The following FOXP2 variants were observed in gnomAD, a reference collection of about 807,000 sequenced individuals.
FOXP2 encodes the protein forkhead box protein P2.
FOXP2 carries 12 observed loss-of-function variants against 115.8 expected under a neutral mutation model. The observed-to-expected ratio is 0.10, with a 90% CI of 0.07 to 0.17. FOXP2 has a LOEUF of 0.17. FOXP2 is among the 10% of genes least tolerant of loss of function. The pLI is 1.00. For synonymous variants in FOXP2, 328 were observed against 297.7 expected, an observed-to-expected ratio of 1.10 and a Z score of -1.05; for missense variants, 629 against 843.5, an observed-to-expected ratio of 0.75 and a Z score of 3.15.
chr7:114,460,862 G>C (rs570951619), intron 2 of FOXP2, among the ~76,000 whole-genome samples: 1 of 152,306 alleles, frequency 6.6e-6, no homozygotes, highest in Admixed American at 6.5e-5. Context: ...AAAGTGGAGG[G>C]AGGTTGAAAG....
At chr7:114,465,196 G>A (rs760696796) in intron 2 of FOXP2, among the ~76,000 whole-genome samples, 16 of 152,186 alleles carry the variant, frequency 1.1e-4, no homozygotes, top group Non-Finnish European at 2.1e-4. Flanking sequence ...AACTCCTGGG[G>A]TCAAGCAATC....
chr7:114,162,619 C>CA (rs1792872758), upstream of FOXP2, among the ~76,000 whole-genome samples: 1 of 151,732 alleles, frequency 6.6e-6, no homozygotes, highest in African/African-American at 2.4e-5. Flanking sequence ...TCCATTCAAA[C>CA]TCACGGATTT....
chr7:114,210,902 A>G (rs919706676), intron 1 of FOXP2, among the ~76,000 whole-genome samples: 2 of 152,176 alleles, frequency 1.3e-5, no homozygotes, highest in African/African-American at 4.8e-5. Flanking sequence ...GGTCCCACTT[A>G]AAGAAGCAGT....
At chr7:114,385,379 A>G (rs556797373) in intron 2 of FOXP2, among the ~76,000 whole-genome samples, 57 of 152,310 alleles carry the variant, frequency 3.7e-4, no homozygotes, top group African/African-American at 1.2e-3. Flanking sequence ...TCAGGACCCC[A>G]GAGGTATACT....
At chr7:114,586,536 T>C (rs1468191791) in intron 3 of FOXP2, among the ~76,000 whole-genome samples, 1 of 152,082 alleles carries the variant, frequency 6.6e-6, no homozygotes, top group African/African-American at 2.4e-5. Context: ...TTAACAATAT[T>C]TGCATCTTAT....
chr7:114,643,106 C>T (rs62467895), intron 7 of FOXP2, among the ~76,000 whole-genome samples: 12 of 151,812 alleles, frequency 7.9e-5, no homozygotes, highest in South Asian at 4.2e-4. Flanking sequence ...CCACCGTGCC[C>T]GGCCTATATT....
chr7:114,255,812 C>A (rs1406762700), intron 1 of FOXP2, among the ~76,000 whole-genome samples: 2 of 152,106 alleles, frequency 1.3e-5, no homozygotes, highest in African/African-American at 4.8e-5. Flanking sequence ...CAACCACTGT[C>A]TGCCAAGCCC....
At chr7:114,560,166 A>C (rs1005175596) in intron 3 of FOXP2, among the ~76,000 whole-genome samples, 1 of 152,138 alleles carries the variant, frequency 6.6e-6, no homozygotes, top group Non-Finnish European at 1.5e-5. Flanking sequence ...ATATGCAAAC[A>C]CCCATTAATA....
chr7:114,216,365 A>T (rs1794485184), intron 1 of FOXP2, among the ~76,000 whole-genome samples: 1 of 152,134 alleles, frequency 6.6e-6, no homozygotes, highest in East Asian at 1.9e-4. Flanking sequence ...GCTATTATAT[A>T]TACCAATATT....
chr7:114,690,051 C>A lies in FOXP2; in HGVS notation c.*125C>A. ...ATTAAGCATGGATAAAGGAGACAGC[C>A]CTAAAGGAACTTACTAAGCCAGCCC... On this transcript the variant is annotated 3_prime_UTR_variant, in exon 17 of 17. Transcript: ENST00000350908. 1.7e-6 allele frequency: 2 copies of A among 1,195,458 alleles called. No individual in the cohort carries two copies. Among genetic ancestry groups the A allele is most frequent in the African/African-American group, 1.5e-5 (1 of 66,172 alleles). 74.1% of individuals were successfully genotyped at this position (1,195,458 alleles called of 1,614,324 possible). A position where few individuals can be genotyped will look rare whatever the true frequency, so the allele number is the denominator to read the frequency against.
At chr7:114,360,833 T>C (rs1791728867) in intron 2 of FOXP2, among the ~76,000 whole-genome samples, 1 of 152,206 alleles carries the variant, frequency 6.6e-6, no homozygotes, top group Non-Finnish European at 1.5e-5. Flanking sequence ...CTAATAAAGA[T>C]GAGCCGAATA....
At chr7:114,189,094 A>T (rs1793689258) in intron 1 of FOXP2, among the ~76,000 whole-genome samples, 2 of 152,138 alleles carry the variant, frequency 1.3e-5, no homozygotes, top group African/African-American at 4.8e-5. Context: ...AAATGTGCTT[A>T]ACTTCCTTTC....
chr7:114,270,176 A>G (rs1026843691), intron 1 of FOXP2, among the ~76,000 whole-genome samples: 1 of 152,148 alleles, frequency 6.6e-6, no homozygotes, highest in Non-Finnish European at 1.5e-5. Context: ...GTGCTAAATA[A>G]TACTCAATTG....
intron 2 of FOXP2, among the ~76,000 whole-genome samples, chr7:114,526,972 C>T (rs1798908204): frequency 6.7e-6 from 1 of 148,794 alleles, no homozygotes. Context: ...TACGTCTGGG[C>T]CCTTGTAACC....
chr7:114,532,295 C>T (rs1345459989), intron 2 of FOXP2, among the ~76,000 whole-genome samples: 3 of 151,804 alleles, frequency 2.0e-5, no homozygotes, highest in Admixed American at 6.6e-5. Flanking sequence ...TTGTTCTATT[C>T]GTTTACAGAT....
At chr7:114,563,111 G>A (rs541587764) in intron 3 of FOXP2, among the ~76,000 whole-genome samples, 4 of 152,240 alleles carry the variant, frequency 2.6e-5, no homozygotes, top group Non-Finnish European at 5.9e-5. Context: ...ACTGTCATGA[G>A]AACAGTATGG....
intron 2 of FOXP2, among the ~76,000 whole-genome samples, chr7:114,454,743 A>G (rs1192566108): frequency 7.6e-6 from 1 of 131,622 alleles, no homozygotes; most frequent in Non-Finnish European, 1.6e-5. Context: ...ATTGGAAATC[A>G]TCATTCTCAG....
At chr7:114,540,904 A>G (rs770425146) in intron 3 of FOXP2, among the ~76,000 whole-genome samples, 4 of 152,100 alleles carry the variant, frequency 2.6e-5, no homozygotes, top group African/African-American at 9.7e-5. Context: ...CTGATTGTAT[A>G]GAACTTAAAA....
At chr7:114,539,702 T>G (rs1584869869) in intron 3 of FOXP2, among the ~76,000 whole-genome samples, 1 of 152,144 alleles carries the variant, frequency 6.6e-6, no homozygotes, top group Non-Finnish European at 1.5e-5. Flanking sequence ...GAATACAATT[T>G]TTGTTAAACT....
Sources: allele counts gnomAD v4.1 joint callset (sites outside exome capture counted in the v4.1 genomes callset), GRCh38; gene constraint gnomAD v4.1.1; transcripts MANE v1.5; gene names NCBI Gene and HGNC (gene_info 2026-07-23, HGNC 2026-07-21).